PCDH11Y: variants seen among roughly 807,000 people sequenced by gnomAD.
PCDH11Y encodes the protein protocadherin 11 Y-linked.
For missense variants in PCDH11Y, 12 were observed against 224.8 expected (o/e 0.05, Z 6.05); for synonymous variants, 9 against 83.6 (o/e 0.11, Z 4.87).
intron 4 of PCDH11Y, among the ~76,000 whole-genome samples, chrY:5,722,779 C>T (rs2053595927): frequency 3.1e-5 from 1 of 32,781 alleles, no homozygotes; most frequent in Non-Finnish European, 7.6e-5. Context: ...CAATTTATTG[C>T]TAGCATATCC....
intron 4 of PCDH11Y, among the ~76,000 whole-genome samples, chrY:5,660,278 T>C: frequency 3.1e-5 from 1 of 32,085 alleles, no homozygotes; most frequent in Non-Finnish European, 7.6e-5. Context: ...GGTGTCTTCC[T>C]AGGTCACGTG....
At chrY:5,136,871 A>T (rs1364586159) in intron 2 of PCDH11Y, among the ~76,000 whole-genome samples, 484 of 33,841 alleles carry the variant, frequency 0.014, no homozygotes, top group Non-Finnish European at 0.03. Flanking sequence ...CCTGAGAAAG[A>T]AGAGAAATCT....
chrY:5,385,767 T>C (rs2053213834), intron 2 of PCDH11Y, among the ~76,000 whole-genome samples: 2 of 33,753 alleles, frequency 5.9e-5, no homozygotes. Context: ...TTAGTGCTGT[T>C]GATCAGTTTC....
intron 2 of PCDH11Y, among the ~76,000 whole-genome samples, chrY:5,427,757 G>T: frequency 3.0e-5 from 1 of 32,976 alleles, no homozygotes; most frequent in African/African-American, 1.2e-4. Flanking sequence ...CATGTAAATT[G>T]TACTGACACA....
At chrY:5,053,446 C>T, upstream of PCDH11Y, among the ~76,000 whole-genome samples, 1 of 31,990 alleles carries the variant, frequency 3.1e-5, no homozygotes, top group Non-Finnish European at 7.6e-5. Context: ...AATGAATTTC[C>T]GGTTATGAAA....
At chrY:5,046,163 G>A (rs1602848617) in intron 3 of PCDH11Y, among the ~76,000 whole-genome samples, 1 of 34,298 alleles carries the variant, frequency 2.9e-5, no homozygotes, top group East Asian at 7.9e-4. Context: ...GAAGAGCTGT[G>A]TTCTTTTGGA....
At position 5,217,863 on chromosome Y, in the gene PCDH11Y, A is replaced by G. The variant is rs1602888084; in HGVS notation, c.3129+117156A>G. Among the ~76,000 whole-genome samples the G allele has an allele frequency of 3.5e-4, 12 of 34,187 alleles. No individual in the cohort carries two copies. The East Asian group carries it at 9.3e-3, about 26-fold the overall frequency. 91.7% of individuals were successfully genotyped at this position (34,187 alleles called of 37,273 possible). A position where few individuals can be genotyped will look rare whatever the true frequency, so the allele number is the denominator to read the frequency against. On this transcript the variant is annotated intron_variant, in intron 2 of 4. Transcript: ENST00000400457. The stretch of plus-strand genomic sequence containing the variant: ...TGTGTTCTCTTTAATTAGTTTCCCA[A>G]TGTGATGTGTTAACAGTAGACTGGT...
intron 1 of PCDH11Y, among the ~76,000 whole-genome samples, chrY:5,024,488 C>A: frequency 3.0e-5 from 1 of 33,215 alleles, no homozygotes; most frequent in Non-Finnish European, 7.5e-5. Flanking sequence ...AAACACAGTT[C>A]TATTAATGCC....
chrY:5,298,105 AATAAG>A (rs2124662820), intron 2 of PCDH11Y, among the ~76,000 whole-genome samples: 1 of 34,235 alleles, frequency 2.9e-5, no homozygotes, highest in South Asian at 6.5e-4. Flanking sequence ...AAGGAGTGAG[AATAAG>A]ATAAGATATC....
intron 1 of PCDH11Y, among the ~76,000 whole-genome samples, chrY:5,026,468 A>G: frequency 3.8e-5 from 1 of 26,410 alleles, no homozygotes; most frequent in Non-Finnish European, 8.9e-5. Context: ...TTTGTGGTAT[A>G]TTAAAGAACA....
chrY:5,620,786 A>G, intron 4 of PCDH11Y, among the ~76,000 whole-genome samples: 2 of 33,457 alleles, frequency 6.0e-5, no homozygotes, highest in African/African-American at 2.3e-4. Context: ...TCACATAAAC[A>G]GACAAAAACC....
At chrY:5,603,789 C>T in intron 4 of PCDH11Y, among the ~76,000 whole-genome samples, 1 of 24,712 alleles carries the variant, frequency 4.0e-5, no homozygotes, top group African/African-American at 1.6e-4. Flanking sequence ...ATCATGCGTG[C>T]CCAGGAGACC....
chrY:5,317,142 C>T, intron 2 of PCDH11Y, among the ~76,000 whole-genome samples: 5 of 32,458 alleles, frequency 1.5e-4, no homozygotes, highest in African/African-American at 1.2e-4. Flanking sequence ...CAAGACAACT[C>T]GAAGCAAAAG....
intron 2 of PCDH11Y, among the ~76,000 whole-genome samples, chrY:5,290,320 GT>G (rs2124661842): frequency 3.2e-5 from 1 of 30,956 alleles, no homozygotes; most frequent in South Asian, 7.3e-4. Flanking sequence ...CTCTAGAGTT[GT>G]TTGAGCTCCT....
intron 4 of PCDH11Y, among the ~76,000 whole-genome samples, chrY:5,725,763 C>T: frequency 3.0e-5 from 1 of 33,147 alleles, no homozygotes; most frequent in African/African-American, 1.2e-4. Context: ...AGACAAACCA[C>T]AGAATGTGAG....
chrY:5,371,448 G>A (rs2053187083), intron 2 of PCDH11Y, among the ~76,000 whole-genome samples: 1 of 33,568 alleles, frequency 3.0e-5, no homozygotes, highest in Non-Finnish European at 7.4e-5. Context: ...GGATATCTCT[G>A]AGCAAGTCAG....
chrY:5,655,313 T>A, intron 4 of PCDH11Y, among the ~76,000 whole-genome samples: 1 of 29,865 alleles, frequency 3.3e-5, no homozygotes, highest in Non-Finnish European at 8.0e-5. Flanking sequence ...TTTATTCTAT[T>A]CTTTTTTCTA....
intron 2 of PCDH11Y, among the ~76,000 whole-genome samples, chrY:5,373,740 A>G (rs1282913272): frequency 1.3e-4 from 3 of 23,287 alleles, no homozygotes. Flanking sequence ...ATATGTGTGT[A>G]TATATACACA....
At position 5,120,444 on chromosome Y, in the gene PCDH11Y, C is replaced by G; in HGVS notation, c.3129+19737C>G. ...TCTCAGATCAACAGTCTAGGTGATT[C>G]TACTTTATTAACTGCTTAATTAGAG... On this transcript the variant is annotated intron_variant, in intron 2 of 4. Coordinates refer to the PCDH11Y transcript ENST00000400457. Among the ~76,000 whole-genome samples, 4 of 31,479 alleles carry G rather than the reference C, an allele frequency of 1.3e-4. No homozygotes were observed. In the East Asian group the frequency reaches 3.3e-3, roughly 26 times the overall value. The allele number at this position is 31,479 out of a possible 37,273, so 84.5% of individuals were successfully genotyped here.
Sources: gnomAD v4.1 joint callset for allele counts (sites outside exome capture counted in the v4.1 genomes callset) on GRCh38, gnomAD v4.1.1 for gene constraint, MANE v1.5 for transcripts, NCBI Gene and HGNC (gene_info 2026-07-23, HGNC 2026-07-21) for gene names.